Variants in KCTD19 observed in about 807,000 individuals in gnomAD.
The protein encoded by KCTD19 is potassium channel tetramerization domain containing 19.
KCTD19 carries 67 observed loss-of-function variants against 103.5 expected under a neutral mutation model. That is an observed-to-expected ratio of 0.65 (90% confidence interval 0.53 to 0.79). The LOEUF is 0.79. KCTD19 is among the 30% of genes least tolerant of loss of function. The probability of loss-of-function intolerance (pLI) is 0.00; values close to 1 mark genes in which losing one functional copy is unlikely to be tolerated. For synonymous variants in KCTD19, 439 were observed against 452.2 expected, an observed-to-expected ratio of 0.97 and a Z score of 0.37; for missense variants, 980 against 1,136.1, an observed-to-expected ratio of 0.86 and a Z score of 1.98.
At position 67,294,159 on chromosome 16, in the gene KCTD19, T is replaced by C; in HGVS notation, c.1603A>G (p.Met535Val). Residue 535 changes from methionine (M) to valine (V), a missense_variant, in exon 12 of 16, where the codon ATG becomes GTG. By Grantham distance (21) the Met-to-Val change is conservative (BLOSUM62 1). Coordinates refer to ENST00000304372, the MANE Select transcript of KCTD19 (RefSeq NM_001100915.3). The part of the protein sequence containing the change: ...SRDTKETTAY[M>V]PVDFEDCSDR... ...CTGCAGTCTTCGAAGTCCACAGGCA[T>C]GTAGGCTGTGGTCTGGGGAGGGAAG... 1 of 1,602,478 alleles carries C rather than the reference T, an allele frequency of 6.2e-7. No homozygotes were observed. The highest frequency in any genetic ancestry group is 8.5e-7 in the Non-Finnish European group (1 of 1,170,288).
chr16:67,298,930 G>T (rs1475210919), intron 6 of KCTD19, among the ~76,000 whole-genome samples: 1 of 152,240 alleles, frequency 6.6e-6, no homozygotes, highest in African/African-American at 2.4e-5. Context: ...GGCCTGGCCT[G>T]CCCTGCCCTG....
At chr16:67,318,198 A>G (rs1254553799) in intron 2 of KCTD19, among the ~76,000 whole-genome samples, 2 of 151,898 alleles carry the variant, frequency 1.3e-5, no homozygotes, top group Non-Finnish European at 2.9e-5. Flanking sequence ...AAATACTTCT[A>G]CTCCTCACAC....
At chr16:67,321,028 AT>A (rs2037067680) in intron 1 of KCTD19, 143 bp from the exon 2 acceptor site, 6 of 791,712 alleles carry the variant, frequency 7.6e-6, no homozygotes, top group Middle Eastern at 6.5e-4. Flanking sequence ...CCAGAAAACT[AT>A]TAGAAATAAG....
Position 67,293,849 on chromosome 16 carries a change from A to G in KCTD19, c.1913T>C (p.Leu638Pro). 6.2e-7 allele frequency: 1 copy of G among 1,614,004 alleles called. No homozygotes were observed. Among genetic ancestry groups the G allele is most frequent in the Non-Finnish European group, 8.5e-7 (1 of 1,180,016 alleles). ...PATPMQKLIS[L>P]VREWDMVNCK... ...ATTGACCATGTCCCATTCTCTCACC[A>G]GGGAGATGAGTTTTTGCATGGGAGT... Residue 638 changes from leucine to proline, a missense_variant, in exon 12 of 16, where the codon CTG (leucine) becomes CCG (proline). Coordinates refer to ENST00000304372, the MANE Select transcript of KCTD19 (RefSeq NM_001100915.3). This position sits in a 1 kb window ranked among gnomAD's most constrained non-coding sequence, Gnocchi z 4.0.
chr16:67,317,272 A>G (rs951768812), intron 2 of KCTD19, among the ~76,000 whole-genome samples: 2 of 152,034 alleles, frequency 1.3e-5, no homozygotes, highest in Non-Finnish European at 2.9e-5. Context: ...TGAGGCCAGG[A>G]GTTTGAGACA....
At chr16:67,298,910 A>AGCCTGGCCTGGCCTG (rs199700238) in intron 6 of KCTD19, among the ~76,000 whole-genome samples, 1 of 152,172 alleles carries the variant, frequency 6.6e-6, no homozygotes, top group Non-Finnish European at 1.5e-5. Context: ...ACCTCTGGGA[A>AGCCTGGCCTGGCCTG]GCCTGGCCTG....
Position 67,293,730 on chromosome 16 carries a change from A to AAGCAGCCTCGCTTCCCAAGGGG in KCTD19, c.2010_2031dup (p.Ser678ProfsTer75), listed in dbSNP as rs1174972972. 6.2e-7 allele frequency: 1 copy of AAGCAGCCTCGCTTCCCAAGGGG among 1,613,922 alleles called. No homozygotes were observed. The highest frequency in any genetic ancestry group is 1.7e-5 in the Admixed American group (1 of 60,008). ...CAGGCAGCTGAGGTGCTGGGCTGGG[A>AAGCAGCCTCGCTTCCCAAGGGG]AGCAGCCTCGCTTCCCAAGGGGAGC... On this transcript the variant is annotated frameshift_variant, in exon 12 of 16. Coordinates refer to ENST00000304372, the MANE Select transcript of KCTD19 (RefSeq NM_001100915.3). LOFTEE classifies it high-confidence loss of function. This position sits in a 1 kb window ranked among gnomAD's most constrained non-coding sequence, Gnocchi z 4.0.
intron 2 of KCTD19, among the ~76,000 whole-genome samples, chr16:67,304,895 T>G (rs1394840725): frequency 6.6e-6 from 1 of 152,156 alleles, no homozygotes; most frequent in Non-Finnish European, 1.5e-5. Flanking sequence ...CTTGAACTCC[T>G]GACCTCAGGT....
intron 15 of KCTD19, 55 bp from the exon 16 acceptor site, chr16:67,289,737 C>G (rs1327858484): frequency 2.6e-5 from 35 of 1,344,918 alleles, no homozygotes; most frequent in Admixed American, 5.1e-5. Context: ...TCTACTCTAG[C>G]TCCATGTGGG....
intron 2 of KCTD19, among the ~76,000 whole-genome samples, chr16:67,313,283 G>GT (rs1449181913): frequency 9.9e-5 from 15 of 151,860 alleles, no homozygotes; most frequent in African/African-American, 3.4e-4. Flanking sequence ...GCTAATTTTT[G>GT]TATTTTAGTA....
Position 67,315,850 on chromosome 16 carries a change from G to A in KCTD19, c.300+4739C>T, listed in dbSNP as rs542148749. 3.3e-5 allele frequency among the ~76,000 whole-genome samples: 5 copies of A among 151,494 alleles called. No individual in the cohort carries two copies. In the South Asian group the frequency reaches 8.4e-4, roughly 25 times the overall value. ...GGCTGGTCTCCAACCCTGACCTCAA[G>A]TGATCCACCCACCTCGGACTCCCAA... is the stretch of plus-strand genomic sequence containing the variant. On this transcript the variant is annotated intron_variant, in intron 2 of 15. Transcript: ENST00000304372.
chr16:67,311,754 CCTG>C (rs2036951796), intron 2 of KCTD19, among the ~76,000 whole-genome samples: 1 of 151,796 alleles, frequency 6.6e-6, no homozygotes, highest in South Asian at 2.1e-4. Context: ...TGTGGCCTTG[CCTG>C]CATGTAGGTG....
chr16:67,325,681 AG>A (rs1266253537), intron 1 of KCTD19, among the ~76,000 whole-genome samples: 1 of 152,060 alleles, frequency 6.6e-6, no homozygotes, highest in East Asian at 1.9e-4. Context: ...TCTTTCCCAA[AG>A]ACTACTCAGG....
intron 3 of KCTD19, 87 bp downstream of exon 3, chr16:67,304,334 G>T: frequency 2.3e-6 from 3 of 1,327,918 alleles, no homozygotes; most frequent in Non-Finnish European, 2.1e-6. Context: ...GGCACTCTCT[G>T]CTCTCTGGAT....
rs570718246 is a variant in KCTD19 at position 67,321,553 on chromosome 16, A to G, written c.4-668T>C. On this transcript the variant is annotated intron_variant, in intron 1 of 15. Coordinates refer to ENST00000304372, the MANE Select transcript of KCTD19 (RefSeq NM_001100915.3). ...AAATCCTGACTTTTTGCAAAAATTG[A>G]AAAACTGATGCTAAAATTCATATGA... 10 of 152,366 alleles carry G rather than the reference A, an allele frequency of 6.6e-5. No individual in the cohort carries two copies. In the East Asian group the frequency reaches 1.3e-3, roughly 21 times the overall value. 9.4% of individuals were successfully genotyped at this position (152,366 alleles called of 1,614,324 possible).
chr16:67,315,574 C>T (rs747073244), intron 2 of KCTD19, among the ~76,000 whole-genome samples: 40 of 152,084 alleles, frequency 2.6e-4, no homozygotes, highest in African/African-American at 8.7e-4. Context: ...CTCCGCCTCC[C>T]GGGTTCAAGC....
intron 2 of KCTD19, among the ~76,000 whole-genome samples, chr16:67,311,953 C>T (rs900544985): frequency 6.6e-6 from 1 of 152,188 alleles, no homozygotes; most frequent in African/African-American, 2.4e-5. Flanking sequence ...GTCATAATCT[C>T]ACATCATGAG....
chr16:67,321,012 A>C, intron 1 of KCTD19, 127 bp from the exon 2 acceptor site: 2 of 854,312 alleles, frequency 2.3e-6, no homozygotes. Flanking sequence ...AATCCTAAGG[A>C]ATTCACCAGA....
In KCTD19 at chr16:67,293,538, A is replaced by T; in HGVS notation, c.2218+6T>A. On this transcript the variant is annotated splice_donor_region_variant and intron_variant, in intron 12 of 15. Transcript: ENST00000304372. The surrounding 1 kb of genome is among the most constrained non-coding windows in gnomAD (Gnocchi z 4.0). ...AAGACTTAGATCAAAGGGGGACAGG[A>T]CTCACCTCTCTCCTTGGTCCTCTGC... The T allele has an allele frequency of 1.9e-6, 3 of 1,611,928 alleles. No homozygotes were observed. The highest frequency in any genetic ancestry group is 1.7e-6 in the Non-Finnish European group (2 of 1,178,896).
Sources: gnomAD v4.1 joint callset for allele counts (sites outside exome capture counted in the v4.1 genomes callset) on GRCh38, gnomAD v4.1.1 for gene constraint, Gnocchi (gnomAD v3.1) non-coding constraint, MANE v1.5 for transcripts, NCBI Gene and HGNC (gene_info 2026-07-23, HGNC 2026-07-21) for gene names.